Variants in INPP4B observed in about 807,000 individuals in gnomAD.
INPP4B encodes the protein inositol polyphosphate-4-phosphatase type II B, also known as inositol polyphosphate 4-phosphatase type II.
INPP4B carries 55 observed loss-of-function variants against 122.5 expected under a neutral mutation model. The ratio of observed to expected loss-of-function variants is 0.45; its 90% CI spans 0.36 to 0.56. The LOEUF (loss-of-function observed/expected upper bound fraction) is 0.56, where lower values mean the gene tolerates loss of function less well. Ranked by LOEUF, INPP4B falls within the 20% of genes least tolerant of loss-of-function variation. The pLI, the probability that INPP4B is intolerant of heterozygous loss-of-function variation, is 0.00. For missense variants in INPP4B, 1,000 were observed against 1,097.7 expected (o/e 0.91, Z 1.26); for synonymous variants, 403 against 388.7 (o/e 1.04, Z -0.43).
At chr4:142,835,418 A>G (rs1782658125) in intron 1 of INPP4B, among the ~76,000 whole-genome samples, 1 of 152,208 alleles carries the variant, frequency 6.6e-6, no homozygotes, top group South Asian at 2.1e-4. Flanking sequence ...ACAGAAAGAG[A>G]ACTATAGTAT....
chr4:142,758,646 A>C (rs1332771647), intron 1 of INPP4B, among the ~76,000 whole-genome samples: 2 of 152,152 alleles, frequency 1.3e-5, no homozygotes, highest in African/African-American at 4.8e-5. Flanking sequence ...TGACAAAGAA[A>C]GCAACCTTGA....
intron 16 of INPP4B, 138 bp from the exon 17 acceptor site, chr4:142,160,699 G>T (rs1819681557): frequency 1.8e-6 from 1 of 559,858 alleles, no homozygotes; most frequent in Non-Finnish European, 3.1e-6. Flanking sequence ...GAGAGAAAAT[G>T]ATTCATACCA....
At chr4:142,629,382 A>G (rs1039810929) in intron 2 of INPP4B, among the ~76,000 whole-genome samples, 1 of 152,126 alleles carries the variant, frequency 6.6e-6, no homozygotes, top group Non-Finnish European at 1.5e-5. Context: ...ATAGTTTGGT[A>G]TAAGAAAATA....
intron 1 of INPP4B, among the ~76,000 whole-genome samples, chr4:142,806,786 G>A (rs28736461): frequency 0.041 from 3,108 of 75,794 alleles, 136 homozygotes; most frequent in South Asian, 0.075. Context: ...AAAGAAAGAA[G>A]GAAAGAAAGA....
At chr4:142,140,767 T>C (rs545335675) in intron 18 of INPP4B, among the ~76,000 whole-genome samples, 1 of 152,346 alleles carries the variant, frequency 6.6e-6, no homozygotes, top group Admixed American at 6.5e-5. Context: ...GCTTAAATGT[T>C]ACTTGAATCT....
intron 7 of INPP4B, among the ~76,000 whole-genome samples, chr4:142,340,236 T>G (rs1460243269): frequency 6.6e-6 from 1 of 152,128 alleles, no homozygotes; most frequent in African/African-American, 2.4e-5. Flanking sequence ...AATTTCCACA[T>G]GAAAAAGTCA....
At chr4:142,590,291 C>A (rs1325259241) in intron 2 of INPP4B, among the ~76,000 whole-genome samples, 1 of 152,074 alleles carries the variant, frequency 6.6e-6, no homozygotes, top group Non-Finnish European at 1.5e-5. Context: ...ATTAGGAGAT[C>A]GGGGGAATCC....
At chr4:142,572,884 A>G (rs1733113148) in intron 2 of INPP4B, among the ~76,000 whole-genome samples, 1 of 151,022 alleles carries the variant, frequency 6.6e-6, no homozygotes, top group African/African-American at 2.4e-5. Context: ...ATGCTTTTAT[A>G]TATTATATAT....
chr4:142,805,255 T>G (rs961822421), intron 1 of INPP4B, among the ~76,000 whole-genome samples: 3 of 152,192 alleles, frequency 2.0e-5, no homozygotes, highest in Non-Finnish European at 4.4e-5. Context: ...CTGGGGACAT[T>G]CCACTACAGA....
chr4:142,664,885 C>G (rs981593579), intron 2 of INPP4B, among the ~76,000 whole-genome samples: 1 of 152,076 alleles, frequency 6.6e-6, no homozygotes, highest in Non-Finnish European at 1.5e-5. Context: ...CATCATTGTG[C>G]CAACATCATA....
At chr4:142,709,204 G>A (rs1425614867) in intron 2 of INPP4B, among the ~76,000 whole-genome samples, 1 of 152,100 alleles carries the variant, frequency 6.6e-6, no homozygotes, top group African/African-American at 2.4e-5. Flanking sequence ...TTGTATCTTA[G>A]AAGTAACTAA....
intron 17 of INPP4B, among the ~76,000 whole-genome samples, chr4:142,154,458 T>C (rs1579099170): frequency 6.6e-6 from 1 of 152,264 alleles, no homozygotes; most frequent in African/African-American, 2.4e-5. Flanking sequence ...TATTTGAAGA[T>C]ATTTTGAAGA....
chr4:142,547,580 G>T (rs4975313), intron 2 of INPP4B, among the ~76,000 whole-genome samples: 36,065 of 152,016 alleles, frequency 0.24, 5,356 homozygotes, highest in East Asian at 0.78. Context: ...ACCATGGGAG[G>T]TCAGAGAGTT....
rs534490723 is a variant in INPP4B at position 142,308,739 on chromosome 4, T to C, written c.424-3202A>G. ...TAAGATAATTTATTTAATTTTTTAATATTTTAAATATAATTCAAGGGACAG... is the reference window on the plus strand; with the variant it reads ...TAAGATAATTTATTTAATTTTTTAACATTTTAAATATAATTCAAGGGACAG... On this transcript the variant is annotated intron_variant, in intron 8 of 25. Transcript: ENST00000262992. Among the ~76,000 whole-genome samples, 32 of 151,808 alleles carry C rather than the reference T, an allele frequency of 2.1e-4. 1 individual carries two copies. The highest frequency in any genetic ancestry group is 3.4e-3 in the Middle Eastern group (1 of 294).
chr4:142,645,642 G>A (rs1370903202), intron 2 of INPP4B, among the ~76,000 whole-genome samples: 1 of 152,178 alleles, frequency 6.6e-6, no homozygotes, highest in Non-Finnish European at 1.5e-5. Context: ...GCAGAAGCCG[G>A]ATGTTAAGGC....
At chr4:142,343,459 A>G (rs1579797371) in intron 7 of INPP4B, among the ~76,000 whole-genome samples, 1 of 151,030 alleles carries the variant, frequency 6.6e-6, no homozygotes, top group Non-Finnish European at 1.5e-5. Flanking sequence ...CTGAATTCAC[A>G]TAAATTTCTA....
intron 10 of INPP4B, among the ~76,000 whole-genome samples, chr4:142,264,039 C>T (rs1741599412): frequency 6.6e-6 from 1 of 151,972 alleles, no homozygotes; most frequent in Non-Finnish European, 1.5e-5. Flanking sequence ...TCCTGTAAGA[C>T]TGTGTTTGGT....
chr4:142,586,079 G>A (rs995620999), intron 2 of INPP4B, among the ~76,000 whole-genome samples: 1 of 152,006 alleles, frequency 6.6e-6, no homozygotes, highest in Admixed American at 6.6e-5. Flanking sequence ...AGAGGCCAAG[G>A]CAGGCAGATT....
chr4:142,740,298 C>T (rs983358450), intron 1 of INPP4B, among the ~76,000 whole-genome samples: 2 of 151,778 alleles, frequency 1.3e-5, no homozygotes, highest in Admixed American at 6.6e-5. Context: ...CAAAGTATGA[C>T]AGAAAAAGGA....
Sources: allele counts gnomAD v4.1 joint callset (sites outside exome capture counted in the v4.1 genomes callset), GRCh38; gene constraint gnomAD v4.1.1; transcripts MANE v1.5; gene names NCBI Gene and HGNC (gene_info 2026-07-23, HGNC 2026-07-21).